The following ZMYM3 variants were observed in gnomAD, a reference collection of about 807,000 sequenced individuals.
ZMYM3 encodes zinc finger MYM-type containing 3, also known as zinc finger MYM-type protein 3.
ZMYM3 carries 6 observed loss-of-function variants against 94.2 expected under a neutral mutation model. The observed-to-expected ratio is 0.06, with a 90% CI of 0.03 to 0.13. ZMYM3 has a LOEUF of 0.13. Among genes scored for constraint, ZMYM3 ranks in the 10% least tolerant of loss-of-function variants. The pLI, the probability that ZMYM3 is intolerant of heterozygous loss-of-function variation, is 1.00. For missense variants in ZMYM3, 664 were observed against 1,132.6 expected, an observed-to-expected ratio of 0.59 and a Z score of 5.94; for synonymous variants, 420 against 426.5, an observed-to-expected ratio of 0.98 and a Z score of 0.19.
At position 71,246,609 on chromosome X, in the gene ZMYM3, C is replaced by T; in HGVS notation, c.2398G>A (p.Gly800Arg). The change falls in exon 14 of 25, where the codon GGG becomes AGG. Residue 800 changes from glycine (G) to arginine (R), a missense_variant. Transcript: ENST00000314425. ...TTTGCCCCGACCTTGCCCAAATTCC[C>T]ATTTTCCTCTGGGGTCCTCACTGTG... The part of the protein sequence containing the change: ...SNTVRTPEEN[G>R]NLGKIPVKTR... 1 of 1,211,516 alleles carries T rather than the reference C, an allele frequency of 8.3e-7. No homozygotes were observed. The highest frequency in any genetic ancestry group is 1.1e-6 in the Non-Finnish European group (1 of 895,346).
Position 71,242,205 on chromosome X carries a change from C to T in ZMYM3, c.3767G>A (p.Arg1256His). The T allele has an allele frequency of 8.4e-7, 1 of 1,195,163 alleles. No homozygotes were observed. Among genetic ancestry groups the T allele is most frequent in the East Asian group, 3.0e-5 (1 of 32,963 alleles). Residue 1256 changes from arginine (R) to histidine (H), a missense_variant, in exon 23 of 25, where the codon CGC becomes CAC. Physicochemically the swap from Arg to His is conservative, Grantham distance 29. This residue lies in a region of ZMYM3 where 58 missense variants were observed against 112.4 expected (regional missense o/e 0.52). Transcript: ENST00000314425. ...CCTCTGGCGGACTGGGGCATAGTAGCGGATGCTCACCACCTTGGTGGTGCC... is the reference window on the plus strand; with the variant it reads ...CCTCTGGCGGACTGGGGCATAGTAGTGGATGCTCACCACCTTGGTGGTGCC... Reference protein sequence around the residue: ...PRGTTKVVSIRYYAPVRQRKG... With the variant: ...PRGTTKVVSIHYYAPVRQRKG...
At chrX:71,252,177 C>T (rs1380594619) in intron 2 of ZMYM3, among the ~76,000 whole-genome samples, 1 of 110,996 alleles carries the variant, frequency 9.0e-6, no homozygotes, top group African/African-American at 3.3e-5. Context: ...ACCTAGTTAC[C>T]ATTCATCAAA....
intron 8 of ZMYM3, 86 bp from the exon 9 acceptor site, chrX:71,248,887 G>C (rs1383179499): frequency 1.8e-5 from 20 of 1,100,123 alleles, no homozygotes; most frequent in Non-Finnish European, 2.2e-5. Context: ...CAGTGTAAGA[G>C]ACGAACAGAA....
At chrX:71,244,057 A>C in intron 20 of ZMYM3, 77 bp from the exon 21 acceptor site, 1 of 1,125,317 alleles carries the variant, frequency 8.9e-7, no homozygotes, top group Non-Finnish European at 1.2e-6. Context: ...CATCACCATT[A>C]ACCCCTCCAT....
intron 18 of ZMYM3, 121 bp from the exon 19 acceptor site, chrX:71,245,014 A>G (rs2030100598): frequency 1.7e-6 from 1 of 591,219 alleles, no homozygotes; most frequent in African/African-American, 2.3e-5. Flanking sequence ...CAGTAAAGCT[A>G]TACCAAAAAG....
intron 2 of ZMYM3, 119 bp from the exon 3 acceptor site, chrX:71,251,720 G>GCCA: frequency 2.8e-6 from 3 of 1,067,571 alleles, no homozygotes; most frequent in Non-Finnish European, 3.6e-6. Context: ...GGGAAAACTC[G>GCCA]AGTGCCTGTG....
rs201222212 is a variant in ZMYM3, at chrX:71,252,644, G to C, written c.612C>G (p.Asn204Lys). Reference sequence around the variant, plus strand: ...AGCCCCCAGGTTTGGTCTGAGAACTGTTGATTCCATCCCCCAGAGTCTCTC... The same window carrying C: ...AGCCCCCAGGTTTGGTCTGAGAACTCTTGATTCCATCCCCCAGAGTCTCTC... ...SVGETLGDGI[N>K]SSQTKPGGSS... Residue 204 changes from asparagine (N) to lysine (K), a missense_variant, in exon 2 of 25, where the codon AAC (asparagine) becomes AAG (lysine). Coordinates refer to ENST00000314425, the MANE Select transcript of ZMYM3 (RefSeq NM_201599.3). 2 of 1,157,763 alleles carry C rather than the reference G, an allele frequency of 1.7e-6. No individual in the cohort carries two copies. The highest frequency in any genetic ancestry group is 2.3e-6 in the Non-Finnish European group (2 of 871,804).
At chrX:71,245,902 G>T (rs1464097677) in intron 16 of ZMYM3, 60 bp from the exon 17 acceptor site, 2 of 1,191,833 alleles carry the variant, frequency 1.7e-6, no homozygotes, top group Non-Finnish European at 2.3e-6. Flanking sequence ...GGGGAAGTTG[G>T]GGGGACAGAT....
chrX:71,241,418 G>C (rs2029940062), intron 23 of ZMYM3, 74 bp from the exon 24 acceptor site: 1 of 829,308 alleles, frequency 1.2e-6, no homozygotes, highest in East Asian at 3.5e-5. Flanking sequence ...GCACAGTTCA[G>C]GGCACAGGGA....
Position 71,239,665 on chromosome X carries a change from C to CA in ZMYM3, c.*1250dup, listed in dbSNP as rs1421566895. 1 of 112,644 alleles carries CA rather than the reference C, an allele frequency of 8.9e-6. No homozygotes were observed. Among genetic ancestry groups the CA allele is most frequent in the African/African-American group, 3.2e-5 (1 of 30,926 alleles). The allele number at this position is 112,644 out of a possible 1,213,427, so 9.3% of individuals were successfully genotyped here. On this transcript the variant is annotated 3_prime_UTR_variant, in exon 25 of 25. Transcript: ENST00000314425. ...TATTTGAAACAAACAATTTCAGAGA[C>CA]AGAAGGTTAGTCGTGACAACAGCTT...
chrX:71,246,741 A>AT (rs2147978537), intron 13 of ZMYM3, 49 bp from the exon 14 acceptor site: 1 of 1,120,934 alleles, frequency 8.9e-7, no homozygotes, highest in East Asian at 3.0e-5. Context: ...CTAGCTCTCC[A>AT]TTTTCCTTAC....
At chrX:71,255,137 TC>T (rs2030706220), upstream of ZMYM3, 1 of 92,741 alleles carries the variant, frequency 1.1e-5, no homozygotes, top group East Asian at 3.4e-4. Flanking sequence ...TCTCTCTCTC[TC>T]TCTCTCTCTC....
At position 71,242,931 on chromosome X, in the gene ZMYM3, G is replaced by C. The variant is rs775368576; in HGVS notation, c.3547+39C>G. The C allele has an allele frequency of 2.6e-5, 30 of 1,135,050 alleles. No homozygotes were observed. In the South Asian group the frequency reaches 5.2e-4, roughly 19 times the overall value. 93.5% of individuals were successfully genotyped at this position (1,135,050 alleles called of 1,213,427 possible). A position where few individuals can be genotyped will look rare whatever the true frequency, so the allele number is the denominator to read the frequency against. ...CTCGGGATGGTGGATTGGAAGAATG[G>C]AGAAAGCGGGTAGGGGTTGCTACGT... On this transcript the variant is annotated intron_variant, in intron 22 of 24. Coordinates refer to ENST00000314425, the MANE Select transcript of ZMYM3 (RefSeq NM_201599.3).
At chrX:71,241,489 T>C (rs2029945219) in intron 23 of ZMYM3, 145 bp from the exon 24 acceptor site, 5 of 438,032 alleles carry the variant, frequency 1.1e-5, no homozygotes, top group Non-Finnish European at 1.8e-5. Flanking sequence ...AAGAGGTCAG[T>C]CTCCCTCTCC....
At position 71,253,213 on chromosome X, in the gene ZMYM3, G is replaced by A; in HGVS notation, c.43C>T (p.Leu15=). The change falls in exon 2 of 25, where the codon CTG becomes TTG. Residue 15 remains leucine (L), a synonymous_variant. Coordinates refer to ENST00000314425, the MANE Select transcript of ZMYM3 (RefSeq NM_201599.3). ...TCTCCAGCCAGGGGCTTCTCTGGCA[G>A]GGTCAATGGGTCAAATGGACTGGGG... ...DFPSPFDPLT[L]PEKPLAGDLP... 1.7e-6 allele frequency: 2 copies of A among 1,182,246 alleles called. No individual in the cohort carries two copies. Among genetic ancestry groups the A allele is most frequent in the East Asian group, 5.9e-5 (2 of 33,629 alleles).
At chrX:71,249,787 C>T in intron 6 of ZMYM3, 108 bp from the exon 7 acceptor site, 1 of 1,111,492 alleles carries the variant, frequency 9.0e-7, no homozygotes, top group East Asian at 3.3e-5. Flanking sequence ...AGACAGTGGG[C>T]CCAGGGACCC....
chrX:71,253,415 G>T, intron 1 of ZMYM3, 141 bp from the exon 2 acceptor site: 1 of 480,661 alleles, frequency 2.1e-6, no homozygotes, highest in East Asian at 4.1e-5. Flanking sequence ...AAGCATTTCC[G>T]AAGGCTTTAG....
chrX:71,253,182 G>T lies in ZMYM3; in HGVS notation c.74C>A (p.Pro25Gln). 1 of 1,199,459 alleles carries T rather than the reference G, an allele frequency of 8.3e-7. No individual in the cohort carries two copies. Among genetic ancestry groups the T allele is most frequent in the South Asian group, 1.8e-5 (1 of 54,440 alleles). Residue 25 changes from proline to glutamine, a missense_variant, in exon 2 of 25, where the codon CCA becomes CAA. Physicochemically the swap from Pro to Gln is moderately conservative, Grantham distance 76 (BLOSUM62 -1). Transcript: ENST00000314425. ...ATCCTCTCCAAATTCCATGTCTACT[G>T]GTAGGTCTCCAGCCAGGGGCTTCTC... ...LPEKPLAGDL[P>Q]VDMEFGEDLL...
chrX:71,244,862 G>A lies in ZMYM3; in HGVS notation c.3039C>T (p.Phe1013=), dbSNP rs369937936. The change falls in exon 19 of 25, where the codon TTC becomes TTT. Residue 1013 remains phenylalanine (F), a synonymous_variant. Coordinates refer to ENST00000314425, the MANE Select transcript of ZMYM3 (RefSeq NM_201599.3). ...GCCCTACCAGGCCACAATCAAAGAG[G>A]AAGTCTACACTGGGATTAATGTCCA... ...NPLDINPSVD[F]LFDCGLVGPE... The A allele has an allele frequency of 2.7e-5, 32 of 1,204,100 alleles. No homozygotes were observed. The highest frequency in any genetic ancestry group is 2.3e-4 in the Middle Eastern group (1 of 4,360).
Sources: gnomAD v4.1 joint callset for allele counts (sites outside exome capture counted in the v4.1 genomes callset) on GRCh38, gnomAD v4.1.1 for gene constraint, gnomAD v4.1.1 regional missense constraint, MANE v1.5 for transcripts, NCBI Gene and HGNC (gene_info 2026-07-23, HGNC 2026-07-21) for gene names.